The following DHRS9 variants were observed in gnomAD, a reference collection of about 807,000 sequenced individuals.
The protein encoded by DHRS9 is dehydrogenase/reductase SDR family member 9.
In DHRS9, 18 loss-of-function variants were observed where a neutral mutation model predicts 26.6. The observed-to-expected ratio is 0.68, with a 90% CI of 0.47 to 1.00. The LOEUF is 1.00. Ranked by LOEUF, DHRS9 falls within the 50% of genes least tolerant of loss-of-function variation. The pLI, the probability that DHRS9 is intolerant of heterozygous loss-of-function variation, is 0.00. For synonymous variants in DHRS9, 134 were observed against 141.1 expected, an observed-to-expected ratio of 0.95 and a Z score of 0.36; for missense variants, 425 against 378.7, an observed-to-expected ratio of 1.12 and a Z score of -1.01.
intron 1 of DHRS9, among the ~76,000 whole-genome samples, chr2:169,079,582 G>A (rs1684078183): frequency 6.6e-6 from 1 of 151,870 alleles, no homozygotes; most frequent in South Asian, 2.1e-4. Context: ...GGCTGGGCGT[G>A]GTGGCTCACG....
In DHRS9 at chr2:169,090,661, A is replaced by G. The variant is rs72623191; in HGVS notation, c.573-1129A>G. On this transcript the variant is annotated intron_variant, in intron 3 of 4. Coordinates refer to ENST00000674881, the MANE Select transcript of DHRS9 (RefSeq NM_001376924.1). ...AAATGAATAAATACTTCCTTATATT[A>G]TATATTCCTGGTAGGAAAATAAATC... Among the ~76,000 whole-genome samples, 1,179 of 152,304 alleles carry G rather than the reference A, an allele frequency of 7.7e-3. 41 individuals are homozygous for G. The East Asian group carries it at 0.13, about 16-fold the overall frequency.
chr2:169,081,095 A>C, intron 1 of DHRS9: 1 of 980,394 alleles, frequency 1.0e-6, no homozygotes. Context: ...AAATTGAATT[A>C]TTGTTTCTAA....
chr2:169,067,121 G>T (rs1267260176), upstream of DHRS9: 4 of 1,534,646 alleles, frequency 2.6e-6, no homozygotes, highest in Admixed American at 3.9e-5. Context: ...CACTGAGAAT[G>T]ACTTGAGAGA....
intron 1 of DHRS9, among the ~76,000 whole-genome samples, chr2:169,073,204 G>C (rs758444952): frequency 9.9e-5 from 15 of 152,136 alleles, no homozygotes; most frequent in Non-Finnish European, 1.6e-4. Flanking sequence ...TATATGCAGA[G>C]CCCAGAGTTG....
chr2:169,084,086 G>A (rs184632542), intron 3 of DHRS9, among the ~76,000 whole-genome samples: 35 of 152,170 alleles, frequency 2.3e-4, no homozygotes, highest in Non-Finnish European at 3.5e-4. Flanking sequence ...TGAGAACATG[G>A]GAACTTCGTT....
chr2:169,083,669 T>C, intron 3 of DHRS9, 82 bp downstream of exon 3: 3 of 1,488,070 alleles, frequency 2.0e-6, no homozygotes, highest in South Asian at 1.3e-5. Context: ...TCCTATTTAG[T>C]ACCTTTCAAA....
At chr2:169,084,850 T>C (rs1684302568) in intron 3 of DHRS9, among the ~76,000 whole-genome samples, 1 of 152,168 alleles carries the variant, frequency 6.6e-6, no homozygotes, top group South Asian at 2.1e-4. Flanking sequence ...ATCCCATTTG[T>C]CCATTTTTGC....
chr2:169,068,943 G>T (rs890214700), upstream of DHRS9, among the ~76,000 whole-genome samples: 2 of 152,128 alleles, frequency 1.3e-5, no homozygotes, highest in Non-Finnish European at 2.9e-5. Flanking sequence ...CAGGTCAACT[G>T]TGATCAACTC....
chr2:169,067,180 A>G (rs1399634764), upstream of DHRS9: 10 of 1,535,654 alleles, frequency 6.5e-6, no homozygotes, highest in Non-Finnish European at 8.7e-6. Flanking sequence ...TGCATGCTCT[A>G]TCACCAGCCT....
chr2:169,067,240 T>G (rs577077433), upstream of DHRS9: 1 of 1,535,532 alleles, frequency 6.5e-7, no homozygotes, highest in East Asian at 2.4e-5. Context: ...ACTCCAGAAG[T>G]TGGACCCACC....
chr2:169,079,683 A>G (rs1174582162), intron 1 of DHRS9, among the ~76,000 whole-genome samples: 1 of 151,346 alleles, frequency 6.6e-6, no homozygotes, highest in African/African-American at 2.4e-5. Context: ...GAGAAACCCC[A>G]CCTCTACTAA....
Position 169,069,639 on chromosome 2 carries a change from C to T in DHRS9, c.-138C>T. 1 of 985,462 alleles carries T rather than the reference C, an allele frequency of 1.0e-6. No individual in the cohort carries two copies. The highest frequency in any genetic ancestry group is 1.2e-6 in the Non-Finnish European group (1 of 829,952). The allele number at this position is 985,462 out of a possible 1,614,324, so 61.0% of individuals were successfully genotyped here. On this transcript the variant is annotated 5_prime_UTR_variant, in exon 1 of 5. Transcript: ENST00000674881. ...GGCCAGGGTGGCACAACTCTTCCTT[C>T]CCCGTGCACAGCAGGAAAGCTGCCA... is the stretch of plus-strand genomic sequence containing the variant.
At chr2:169,093,713 G>T (rs558742458) in intron 4 of DHRS9, among the ~76,000 whole-genome samples, 1 of 152,282 alleles carries the variant, frequency 6.6e-6, no homozygotes, top group South Asian at 2.1e-4. Flanking sequence ...TTTTACACTG[G>T]TTGTTCTCAC....
intron 1 of DHRS9, among the ~76,000 whole-genome samples, chr2:169,071,470 C>T (rs887011785): frequency 2.0e-5 from 3 of 152,126 alleles, no homozygotes; most frequent in African/African-American, 7.2e-5. Context: ...ACTAAAAATG[C>T]AAAATGTAAA....
chr2:169,079,509 A>T (rs766251225), intron 1 of DHRS9, among the ~76,000 whole-genome samples: 22 of 152,144 alleles, frequency 1.4e-4, no homozygotes, highest in Non-Finnish European at 2.6e-4. Context: ...AGAAAAAAAT[A>T]AATGATTTTT....
rs907641026 is a variant in DHRS9, at chr2:169,095,874, G to A, written c.*107G>A. 2 of 1,027,716 alleles carry A rather than the reference G, an allele frequency of 1.9e-6. No homozygotes were observed. The highest frequency in any genetic ancestry group is 3.2e-5 in the African/African-American group (2 of 61,716). The allele number at this position is 1,027,716 out of a possible 1,614,324, so 63.7% of individuals were successfully genotyped here. A position where few individuals can be genotyped will look rare whatever the true frequency, so the allele number is the denominator to read the frequency against. The stretch of plus-strand genomic sequence containing the variant: ...ATCTGCTCCAACCTGGACTCATTTA[G>A]ATCGTGCTTATTTGGATTGCAAAAG... On this transcript the variant is annotated 3_prime_UTR_variant, in exon 5 of 5. Coordinates refer to ENST00000674881, the MANE Select transcript of DHRS9 (RefSeq NM_001376924.1).
At chr2:169,081,231 C>G (rs1027659436) in intron 1 of DHRS9, 1 of 960,996 alleles carries the variant, frequency 1.0e-6, no homozygotes. Context: ...CCACATAGCT[C>G]CAGCTGGCCG....
intron 1 of DHRS9, chr2:169,081,278 TC>T (rs1416640813): frequency 1.0e-5 from 8 of 782,768 alleles, no homozygotes; most frequent in Non-Finnish European, 1.7e-6. Context: ...TTGCCATGGC[TC>T]CCCTCTCCCT....
At position 169,069,693 on chromosome 2, in the gene DHRS9, T is replaced by C; in HGVS notation, c.-84T>C. On this transcript the variant is annotated 5_prime_UTR_variant, in exon 1 of 5. Transcript: ENST00000674881. Reference sequence around the variant, plus strand: ...GCTGAGCAAGTCCACCAACAGTTTCTGTGTCCCACTTCATCTTTAATAAGG... The same window carrying C: ...GCTGAGCAAGTCCACCAACAGTTTCCGTGTCCCACTTCATCTTTAATAAGG... 1.0e-6 allele frequency: 1 copy of C among 985,500 alleles called. No individual in the cohort carries two copies. Among genetic ancestry groups the C allele is most frequent in the Non-Finnish European group, 1.2e-6 (1 of 829,948 alleles). The allele number at this position is 985,500 out of a possible 1,614,324, so 61.0% of individuals were successfully genotyped here.
Sources: gnomAD v4.1 joint callset for allele counts (sites outside exome capture counted in the v4.1 genomes callset) on GRCh38, gnomAD v4.1.1 for gene constraint, MANE v1.5 for transcripts, NCBI Gene and HGNC (gene_info 2026-07-23, HGNC 2026-07-21) for gene names.